KCNG3: variants seen among roughly 807,000 people sequenced by gnomAD.
KCNG3 encodes the protein potassium voltage-gated channel modifier subfamily G member 3, also known as voltage-gated potassium channel regulatory subunit KCNG3.
Under a neutral mutation model 29.0 loss-of-function variants are expected in KCNG3, and 15 were observed. That is an observed-to-expected ratio of 0.52 (90% CI 0.35 to 0.80). The LOEUF (loss-of-function observed/expected upper bound fraction) is 0.80. Among genes scored for constraint, KCNG3 ranks in the 30% least tolerant of loss-of-function variants. The pLI, the probability that KCNG3 is intolerant of heterozygous loss-of-function variation, is 0.01. For synonymous variants in KCNG3, 322 were observed against 248.9 expected, an observed-to-expected ratio of 1.29 and a Z score of -2.76; for missense variants, 512 against 605.7, an observed-to-expected ratio of 0.85 and a Z score of 1.62.
intron 1 of KCNG3, among the ~76,000 whole-genome samples, chr2:42,484,260 G>A (rs1255451523): frequency 1.3e-5 from 2 of 151,168 alleles, no homozygotes; most frequent in South Asian, 2.2e-4. Context: ...TCAGGAGTTC[G>A]AGACCAGCCT....
intron 1 of KCNG3, among the ~76,000 whole-genome samples, chr2:42,467,093 C>T (rs560300721): frequency 1.3e-5 from 2 of 151,952 alleles, no homozygotes; most frequent in Non-Finnish European, 2.9e-5. Flanking sequence ...TATATTAAAC[C>T]ACTCCATGAA....
In KCNG3 at chr2:42,444,533, C is replaced by T. The variant is rs1291945605; in HGVS notation, c.712G>A (p.Val238Met). The T allele has an allele frequency of 1.9e-6, 3 of 1,614,060 alleles. No individual in the cohort carries two copies. The highest frequency in any genetic ancestry group is 1.1e-5 in the South Asian group (1 of 91,054). The part of the protein sequence containing the change: ...CIGWFTAECI[V>M]RFIVSKNKCE... ...TTGTTTTTGGAGACAATGAACCTCA[C>T]GATGCACTCGGCAGTGAACCAACCT... Residue 238 changes from valine (V) to methionine (M), a missense_variant, in exon 2 of 2, where the codon GTG (valine) becomes ATG (methionine). Physicochemically the swap from Val to Met is conservative, Grantham distance 21 (BLOSUM62 1). Coordinates refer to ENST00000306078, the MANE Select transcript of KCNG3 (RefSeq NM_133329.6). This position sits in a 1 kb window ranked among gnomAD's most constrained non-coding sequence, Gnocchi z 5.8.
the KCNG3 span, among the ~76,000 whole-genome samples, chr2:42,389,661 ATT>A: frequency 6.6e-6 from 1 of 152,236 alleles, no homozygotes; most frequent in African/African-American, 2.4e-5. Flanking sequence ...ATGTTGATAT[ATT>A]ACCTGACCAT....
downstream of KCNG3, among the ~76,000 whole-genome samples, chr2:42,441,638 A>C (rs1385476747): frequency 6.4e-5 from 7 of 108,534 alleles, no homozygotes; most frequent in South Asian, 2.3e-3. Flanking sequence ...AATCACCAAC[A>C]AGAGATTTCA....
Position 42,444,434 on chromosome 2 carries a change from T to C in KCNG3, c.811A>G (p.Met271Val). The C allele has an allele frequency of 6.2e-7, 1 of 1,614,150 alleles. No homozygotes were observed. Among genetic ancestry groups the C allele is most frequent in the Non-Finnish European group, 8.5e-7 (1 of 1,180,038 alleles). ...AITPYYISVL[M>V]TVFTGENSQL... ...GAGTTCTCGCCTGTAAACACTGTCA[T>C]CAACACAGAGATGTAATACGGCGTG... The change falls in exon 2 of 2, where the codon ATG (methionine) becomes GTG (valine). Residue 271 changes from methionine (M) to valine (V), a missense_variant. Physicochemically the swap from Met to Val is conservative, Grantham distance 21. Around this residue, in one of 5 missense-constraint regions of KCNG3, gnomAD observed 173 missense variants for 262.4 expected, o/e 0.66. Transcript: ENST00000306078. The surrounding 1 kb of genome is among the most constrained non-coding windows in gnomAD (Gnocchi z 5.8).
chr2:42,425,054 G>A, the KCNG3 span: 2 of 152,314 alleles, frequency 1.3e-5, no homozygotes, highest in Non-Finnish European at 1.5e-5. Flanking sequence ...TGGCGCTGCG[G>A]GCCTGCTTCC....
chr2:42,402,418 G>A, the KCNG3 span, among the ~76,000 whole-genome samples: 1 of 152,172 alleles, frequency 6.6e-6, no homozygotes, highest in African/African-American at 2.4e-5. Flanking sequence ...AGGTGTGGTG[G>A]CTCATGCCAG....
chr2:42,435,276 C>G, the KCNG3 span, among the ~76,000 whole-genome samples: 1 of 152,132 alleles, frequency 6.6e-6, no homozygotes, highest in Non-Finnish European at 1.5e-5. Context: ...GCACTTCACT[C>G]CAGGCTGGGC....
chr2:42,493,387 G>T lies in KCNG3; in HGVS notation c.115C>A (p.His39Asn). 6.5e-7 allele frequency: 1 copy of T among 1,536,556 alleles called. No individual in the cohort carries two copies. ...DFPLRRVSRLHGCRSERDVLE... is the reference protein window; with the variant it reads ...DFPLRRVSRLNGCRSERDVLE... ...ACGTCGCGCTCGGAGCGGCAGCCGTGCAGCCGGCTCACGCGGCGCAGCGGG... is the reference window on the plus strand; with the variant it reads ...ACGTCGCGCTCGGAGCGGCAGCCGTTCAGCCGGCTCACGCGGCGCAGCGGG... Residue 39 changes from histidine to asparagine, a missense_variant, in exon 1 of 2, where the codon CAC (histidine) becomes AAC (asparagine). This residue lies in a region of KCNG3 where 91 missense variants were observed against 91.1 expected (regional missense o/e 1.00). Coordinates refer to ENST00000306078, the MANE Select transcript of KCNG3 (RefSeq NM_133329.6).
chr2:42,430,939 G>A, the KCNG3 span, among the ~76,000 whole-genome samples: 2 of 151,794 alleles, frequency 1.3e-5, no homozygotes, highest in East Asian at 1.9e-4. Context: ...GTGAAACCCT[G>A]TCTCTACTAA....
chr2:42,442,043 A>T lies in KCNG3; in HGVS notation c.*1891T>A, dbSNP rs1364199068. The T allele has an allele frequency of 2.6e-5, 4 of 152,060 alleles. No individual in the cohort carries two copies. The highest frequency in any genetic ancestry group is 5.9e-5 in the Non-Finnish European group (4 of 68,014). 9.4% of individuals were successfully genotyped at this position (152,060 alleles called of 1,614,324 possible). Reference sequence around the variant, plus strand: ...TGATGGTTATCATATTTTTATTAGTAATATGGAGGTGCTATCATCTGCACA... The same window carrying T: ...TGATGGTTATCATATTTTTATTAGTTATATGGAGGTGCTATCATCTGCACA... On this transcript the variant is annotated 3_prime_UTR_variant, in exon 2 of 2. Transcript: ENST00000306078.
At chr2:42,392,286 C>T in the KCNG3 span, among the ~76,000 whole-genome samples, 2 of 152,186 alleles carry the variant, frequency 1.3e-5, no homozygotes, top group Admixed American at 6.5e-5. Flanking sequence ...CCTGCCAGGT[C>T]ACCTGGTCCC....
the KCNG3 span, among the ~76,000 whole-genome samples, chr2:42,430,158 G>A: frequency 6.6e-6 from 1 of 152,008 alleles, no homozygotes; most frequent in South Asian, 2.1e-4. Context: ...CTTGAGCTCA[G>A]GAGTTCAAGA....
At chr2:42,453,142 G>T (rs1444304964) in intron 1 of KCNG3, among the ~76,000 whole-genome samples, 1 of 152,178 alleles carries the variant, frequency 6.6e-6, no homozygotes, top group Non-Finnish European at 1.5e-5. Flanking sequence ...GAATAGTGCT[G>T]TAACAAACAT....
chr2:42,403,382 T>C, the KCNG3 span, among the ~76,000 whole-genome samples: 1 of 152,108 alleles, frequency 6.6e-6, no homozygotes, highest in African/African-American at 2.4e-5. Flanking sequence ...GACTCAAGGG[T>C]TCCTCCCACC....
At chr2:42,461,924 C>G (rs1261573262) in intron 1 of KCNG3, among the ~76,000 whole-genome samples, 1 of 152,122 alleles carries the variant, frequency 6.6e-6, no homozygotes, top group Non-Finnish European at 1.5e-5. Flanking sequence ...TAGTTTTTAT[C>G]TACAGAACAA....
At chr2:42,425,017 G>C in the KCNG3 span, 1 of 152,118 alleles carries the variant, frequency 6.6e-6, no homozygotes, top group East Asian at 1.9e-4. Flanking sequence ...TCAGGACAAG[G>C]GCCTCTGTCC....
At chr2:42,457,460 ACTC>A (rs1672902836) in intron 1 of KCNG3, among the ~76,000 whole-genome samples, 1 of 151,582 alleles carries the variant, frequency 6.6e-6, no homozygotes. Context: ...GTGCCACCGC[ACTC>A]CAGCTGGGCG....
the KCNG3 span, among the ~76,000 whole-genome samples, chr2:42,428,450 C>T: frequency 2.6e-5 from 3 of 114,118 alleles, no homozygotes; most frequent in Admixed American, 2.0e-4. Context: ...GAGAGAGACC[C>T]GGTCTCGGGA....
Sources: gnomAD v4.1 joint callset for allele counts (sites outside exome capture counted in the v4.1 genomes callset) on GRCh38, gnomAD v4.1.1 for gene constraint, gnomAD v4.1.1 regional missense constraint, Gnocchi (gnomAD v3.1) non-coding constraint, MANE v1.5 for transcripts, NCBI Gene and HGNC (gene_info 2026-07-23, HGNC 2026-07-21) for gene names.